Variants in FAM13B observed in about 807,000 individuals in gnomAD.
The protein encoded by FAM13B is protein FAM13B.
A neutral mutation model predicts 117.3 loss-of-function variants in FAM13B; 60 were observed. The observed-to-expected ratio is 0.51, with a 90% confidence interval of 0.42 to 0.63. The LOEUF (loss-of-function observed/expected upper bound fraction) is 0.63. Among genes scored for constraint, FAM13B ranks in the 30% least tolerant of loss-of-function variants. The pLI is 0.00. For synonymous variants in FAM13B, 332 were observed against 356.1 expected (o/e 0.93, Z 0.76); for missense variants, 972 against 1,091.9 (o/e 0.89, Z 1.55).
At chr5:137,987,801 C>T (rs1777604034) in intron 8 of FAM13B, among the ~76,000 whole-genome samples, 185 bp from the exon 9 acceptor site, 2 of 152,076 alleles carry the variant, frequency 1.3e-5, no homozygotes, top group South Asian at 2.1e-4. Context: ...GTAAAATTTA[C>T]CCAAACAGAC....
At chr5:138,027,821 G>C (rs551298643) in intron 1 of FAM13B, among the ~76,000 whole-genome samples, 4 of 152,130 alleles carry the variant, frequency 2.6e-5, no homozygotes, top group African/African-American at 4.8e-5. Flanking sequence ...TGCTGTTCTC[G>C]TGACAGTGAG....
At chr5:138,046,934 C>T (rs568410536) in intron 1 of FAM13B, among the ~76,000 whole-genome samples, 30 of 151,760 alleles carry the variant, frequency 2.0e-4, no homozygotes, top group African/African-American at 5.8e-4. Context: ...TTAGTAGAGA[C>T]GGGGTTTCAC....
At chr5:137,988,421 C>A in intron 7 of FAM13B, 106 bp from the exon 8 acceptor site, 1 of 775,194 alleles carries the variant, frequency 1.3e-6, no homozygotes, top group South Asian at 1.8e-5. Context: ...ACCAGGAGAG[C>A]ACATACTAAG....
intron 17 of FAM13B, 24 bp from the exon 18 acceptor site, chr5:137,949,208 A>T: frequency 6.3e-7 from 1 of 1,581,732 alleles, no homozygotes; most frequent in Non-Finnish European, 8.7e-7. Flanking sequence ...ATAAGGACAG[A>T]TCAGTAATAA....
chr5:137,958,836 CTTTATAACA>C (rs1159429016), intron 13 of FAM13B, among the ~76,000 whole-genome samples: 1 of 152,180 alleles, frequency 6.6e-6, no homozygotes, highest in African/African-American at 2.4e-5. Context: ...ACTATACTTG[CTTTATAACA>C]TTTATCCATC....
rs191647499 is a variant in FAM13B, at chr5:137,965,405, C to A, written c.1180-2936G>T. On this transcript the variant is annotated intron_variant, in intron 10 of 23. Coordinates refer to ENST00000689681, the MANE Select transcript of FAM13B (RefSeq NM_001385994.1). ...ATATTAGCAATATCTTAGGAGCTAT[C>A]GGAGATTACTGCCAAGAGTTAATTA... Among the ~76,000 whole-genome samples, 14 of 152,226 alleles carry A rather than the reference C, an allele frequency of 9.2e-5. 1 individual carries two copies. In the East Asian group the frequency reaches 2.1e-3, roughly 23 times the overall value.
intron 1 of FAM13B, among the ~76,000 whole-genome samples, chr5:138,051,028 G>C (rs548046167): frequency 6.6e-5 from 10 of 151,926 alleles, no homozygotes; most frequent in African/African-American, 9.7e-5. Flanking sequence ...TAGTGGGGGG[G>C]GGAGAATGAA....
chr5:137,976,163 G>C (rs1280575725), intron 10 of FAM13B, among the ~76,000 whole-genome samples: 2 of 151,880 alleles, frequency 1.3e-5, no homozygotes, highest in African/African-American at 4.8e-5. Context: ...CACCATGTTA[G>C]CCAGGATGGT....
Position 137,962,305 on chromosome 5 carries a change from T to C in FAM13B, c.1244+100A>G. ...AGGCTGTTTAAGATTATCTAAACTATATATTTATAATGGACATTCATCTAA... is the reference window on the plus strand; with the variant it reads ...AGGCTGTTTAAGATTATCTAAACTACATATTTATAATGGACATTCATCTAA... On this transcript the variant is annotated intron_variant, in intron 11 of 23. Coordinates refer to ENST00000689681, the MANE Select transcript of FAM13B (RefSeq NM_001385994.1). 4.4e-6 allele frequency: 4 copies of C among 900,502 alleles called. 1 individual carries two copies. The South Asian group carries it at 6.3e-5, about 14-fold the overall frequency. The allele number at this position is 900,502 out of a possible 1,614,324, so 55.8% of individuals were successfully genotyped here.
chr5:137,995,435 T>C (rs1326153810), intron 7 of FAM13B, among the ~76,000 whole-genome samples: 1 of 152,214 alleles, frequency 6.6e-6, no homozygotes, highest in African/African-American at 2.4e-5. Flanking sequence ...ATGAAATTAC[T>C]AAAATATGCA....
chr5:137,946,414 T>C, intron 18 of FAM13B, 103 bp from the exon 19 acceptor site: 1 of 750,070 alleles, frequency 1.3e-6, no homozygotes, highest in South Asian at 1.9e-5. Flanking sequence ...ACAATGTAAA[T>C]AATTAGGTAG....
chr5:138,011,910 T>A lies in FAM13B; in HGVS notation c.406A>T (p.Arg136Trp). The change falls in exon 5 of 24, where the codon AGG (arginine) becomes TGG (tryptophan). Residue 136 changes from arginine (R) to tryptophan (W), a missense_variant. Physicochemically the swap from Arg to Trp is moderately radical, Grantham distance 101 (BLOSUM62 -3). Transcript: ENST00000689681. ...GGTGGAAGCTGTTGCAAGAGGAACC[T>A]CAACTTTCTTCCAAATTCATCTTCA... ...NNEDEFGRKL[R>W]FLLQQLPPVN... is the part of the protein sequence containing the mutation. The A allele has an allele frequency of 6.3e-7, 1 of 1,592,002 alleles. No homozygotes were observed. Among genetic ancestry groups the A allele is most frequent in the South Asian group, 1.2e-5 (1 of 86,448 alleles).
Position 137,952,651 on chromosome 5 carries a change from G to A in FAM13B, c.1907C>T (p.Thr636Ile). The A allele has an allele frequency of 6.3e-7, 1 of 1,599,862 alleles. No individual in the cohort carries two copies. Among genetic ancestry groups the A allele is most frequent in the Non-Finnish European group, 8.5e-7 (1 of 1,172,580 alleles). The change falls in exon 17 of 24, where the codon ACA becomes ATA. Residue 636 changes from threonine to isoleucine, a missense_variant. Coordinates refer to ENST00000689681, the MANE Select transcript of FAM13B (RefSeq NM_001385994.1). Reference protein sequence around the residue: ...PKVLKWMTELTKLRKQIKDAK... With the variant: ...PKVLKWMTELIKLRKQIKDAK... Reference sequence around the variant, plus strand: ...ACCTTTAATTTGCTTCCGCAGTTTTGTAAGCTCTGTCATCCATTTTAATAC... The same window carrying A: ...ACCTTTAATTTGCTTCCGCAGTTTTATAAGCTCTGTCATCCATTTTAATAC...
In FAM13B at chr5:137,967,196, C is replaced by T. The variant is rs1581118002; in HGVS notation, c.1180-4727G>A. ...ACAAAAAACTGGAAACAAATATTTG[C>T]GACTGATCGTTAAGAAAGTAGGTAG... On this transcript the variant is annotated intron_variant, in intron 10 of 23. Coordinates refer to ENST00000689681, the MANE Select transcript of FAM13B (RefSeq NM_001385994.1). Among the ~76,000 whole-genome samples the T allele has an allele frequency of 4.0e-5, 6 of 151,780 alleles. No homozygotes were observed. In the South Asian group the frequency reaches 1.0e-3, roughly 26 times the overall value.
At chr5:137,962,670 T>C (rs933973412) in intron 10 of FAM13B, among the ~76,000 whole-genome samples, 26 of 152,174 alleles carry the variant, frequency 1.7e-4, no homozygotes, top group African/African-American at 5.8e-4. Flanking sequence ...ATATGAAGTA[T>C]AGCAGGTACT....
In FAM13B at chr5:137,980,438, TTC is replaced by T. The variant is rs139531787; in HGVS notation, c.1179+4817_1179+4818del. Among the ~76,000 whole-genome samples, 61 of 118,560 alleles carry T rather than the reference TTC, an allele frequency of 5.1e-4. No homozygotes were observed. In the East Asian group the frequency reaches 0.015, roughly 30 times the overall value. The allele number at this position is 118,560 out of a possible 152,430, so 77.8% of individuals were successfully genotyped here. On this transcript the variant is annotated intron_variant, in intron 10 of 23. Coordinates refer to ENST00000689681, the MANE Select transcript of FAM13B (RefSeq NM_001385994.1). Reference sequence around the variant, plus strand: ...TTTATAAAGTAATTGATACACTAATTTCTTTTTTTTTTTTTTTTTTTTGAGAC... The same window carrying T: ...TTTATAAAGTAATTGATACACTAATTTTTTTTTTTTTTTTTTTTTTGAGAC...
chr5:138,041,985 C>T (rs547209537), intron 1 of FAM13B, among the ~76,000 whole-genome samples: 14 of 152,046 alleles, frequency 9.2e-5, no homozygotes, highest in South Asian at 4.2e-4. Flanking sequence ...TTTTTGAGCC[C>T]GGAAGTTCAA....
intron 7 of FAM13B, among the ~76,000 whole-genome samples, chr5:138,001,342 T>C (rs938006682): frequency 1.3e-5 from 2 of 152,198 alleles, no homozygotes; most frequent in Middle Eastern, 3.2e-3. Flanking sequence ...GCTCCCTATA[T>C]ACTAGGCCCT....
At chr5:137,980,192 A>C (rs1445889445) in intron 10 of FAM13B, among the ~76,000 whole-genome samples, 4 of 150,692 alleles carry the variant, frequency 2.7e-5, no homozygotes, top group African/African-American at 9.7e-5. Flanking sequence ...AAAAAAAAAG[A>C]AAGAAAACTT....
Sources: allele counts gnomAD v4.1 joint callset (sites outside exome capture counted in the v4.1 genomes callset), GRCh38; gene constraint gnomAD v4.1.1; transcripts MANE v1.5; gene names NCBI Gene and HGNC (gene_info 2026-07-23, HGNC 2026-07-21).